The following LGR4 variants were observed in gnomAD, a reference collection of about 807,000 sequenced individuals.
LGR4 encodes leucine rich repeat containing G protein-coupled receptor 4, also known as leucine-rich repeat-containing G protein-coupled receptor 4.
In LGR4, 44 loss-of-function variants were observed where a neutral mutation model predicts 84.8. The observed-to-expected ratio is 0.52, with a 90% CI of 0.41 to 0.67. The LOEUF (loss-of-function observed/expected upper bound fraction) is 0.67. Among genes scored for constraint, LGR4 ranks in the 30% least tolerant of loss-of-function variants. LGR4 has a pLI of 0.00. For synonymous variants in LGR4, 429 were observed against 434.3 expected, an observed-to-expected ratio of 0.99 and a Z score of 0.15; for missense variants, 1,032 against 1,131.4, an observed-to-expected ratio of 0.91 and a Z score of 1.26.
At chr11:27,401,329 C>T (rs865787053) in intron 2 of LGR4, among the ~76,000 whole-genome samples, 5 of 152,076 alleles carry the variant, frequency 3.3e-5, no homozygotes, top group Middle Eastern at 3.2e-3. Context: ...CCACCTGCAC[C>T]GAATTGGCCT....
chr11:27,414,807 T>C (rs1749612782), intron 1 of LGR4, among the ~76,000 whole-genome samples: 2 of 152,080 alleles, frequency 1.3e-5, no homozygotes, highest in Admixed American at 1.3e-4. Flanking sequence ...CATTGTACGA[T>C]AGTGGGCCTC....
Position 27,384,412 on chromosome 11 carries a change from G to T in LGR4, c.618-5C>A. The T allele has an allele frequency of 6.2e-7, 1 of 1,600,212 alleles. No homozygotes were observed. Among genetic ancestry groups the T allele is most frequent in the Non-Finnish European group, 8.5e-7 (1 of 1,169,746 alleles). ...ATTTTATTGTTATGAAGATGCCTAA[G>T]GGGGAAAAAAAGCATAAAATGACTT... On this transcript the variant is annotated splice_polypyrimidine_tract_variant and splice_region_variant and intron_variant, in intron 5 of 17. Transcript: ENST00000379214.
At position 27,397,281 on chromosome 11, in the gene LGR4, T is replaced by A. The variant is rs1863409904; in HGVS notation, c.258-4763A>T. ...CTACCACCGGTATGAACTCATGATA[T>A]CACCTTCCTTTGATTCCACGGGTAC... On this transcript the variant is annotated intron_variant, in intron 2 of 17. Transcript: ENST00000379214. Among the ~76,000 whole-genome samples the A allele has an allele frequency of 1.3e-5, 2 of 152,172 alleles. 1 individual carries two copies. Among genetic ancestry groups the A allele is most frequent in the South Asian group, 4.1e-4 (2 of 4,828 alleles).
rs753079836 is a variant in LGR4 at position 27,368,595 on chromosome 11, A to G, written c.2128T>C (p.Leu710=). The change falls in exon 18 of 18, where the codon TTA becomes CTA. Residue 710 remains leucine, a synonymous_variant. Coordinates refer to ENST00000379214, the MANE Select transcript of LGR4 (RefSeq NM_018490.5). The stretch of plus-strand genomic sequence containing the variant: ...AATGCTAGTGAGTTTAATAGCACTA[A>G]CGTTACAGTGAATCCTAATGATGGC... The part of the protein sequence containing the change: ...ETPSLGFTVT[L]VLLNSLAFLL... 5.0e-6 allele frequency: 8 copies of G among 1,613,800 alleles called. No individual in the cohort carries two copies. Among genetic ancestry groups the G allele is most frequent in the Non-Finnish European group, 6.8e-6 (8 of 1,179,870 alleles).
intron 1 of LGR4, among the ~76,000 whole-genome samples, chr11:27,441,658 GA>G (rs1485713728): frequency 9.9e-5 from 15 of 152,164 alleles, no homozygotes; most frequent in African/African-American, 3.6e-4. Context: ...AAGAGAGAGA[GA>G]GGGGCTGTAG....
intron 1 of LGR4, among the ~76,000 whole-genome samples, chr11:27,446,793 C>G (rs1864397722): frequency 6.6e-6 from 1 of 152,198 alleles, no homozygotes; most frequent in African/African-American, 2.4e-5. Flanking sequence ...CCCAAATGTC[C>G]ATCAATGATA....
intron 1 of LGR4, among the ~76,000 whole-genome samples, chr11:27,468,535 A>C (rs1187416997): frequency 6.6e-6 from 1 of 152,076 alleles, no homozygotes; most frequent in Non-Finnish European, 1.5e-5. Context: ...ATATTCTGCT[A>C]CTCCTGGGAT....
At chr11:27,406,895 A>C (rs1159457650) in intron 2 of LGR4, among the ~76,000 whole-genome samples, 4 of 152,176 alleles carry the variant, frequency 2.6e-5, no homozygotes, top group Non-Finnish European at 5.9e-5. Flanking sequence ...AGTAAACGTT[A>C]AGTGAGTCAA....
In LGR4 at chr11:27,367,985, T is replaced by A. The variant is rs1862800178; in HGVS notation, c.2738A>T (p.Asp913Val). ...GTCAGAACTGTCTGAGACAAAGGAATCTTCTTCATCTGCATAATCAGAGTG... is the reference window on the plus strand; with the variant it reads ...GTCAGAACTGTCTGAGACAAAGGAAACTTCTTCATCTGCATAATCAGAGTG... ...SAHSDYADEE[D>V]SFVSDSSDQV... The change falls in exon 18 of 18, where the codon GAT (aspartate) becomes GTT (valine). Residue 913 changes from aspartate (D) to valine (V), a missense_variant. Coordinates refer to ENST00000379214, the MANE Select transcript of LGR4 (RefSeq NM_018490.5). 6.2e-7 allele frequency: 1 copy of A among 1,614,116 alleles called. No homozygotes were observed. The highest frequency in any genetic ancestry group is 8.5e-7 in the Non-Finnish European group (1 of 1,179,960).
chr11:27,377,486 T>C (rs1295611126), intron 11 of LGR4, among the ~76,000 whole-genome samples: 2 of 151,444 alleles, frequency 1.3e-5, no homozygotes, highest in Non-Finnish European at 2.9e-5. Flanking sequence ...ATAAAGTATA[T>C]ATATAAAGTA....
intron 2 of LGR4, among the ~76,000 whole-genome samples, chr11:27,404,340 C>G (rs1863561875): frequency 6.6e-6 from 1 of 152,134 alleles, no homozygotes; most frequent in South Asian, 2.1e-4. Flanking sequence ...CTTTCATCAC[C>G]TTCGTTCCTG....
intron 1 of LGR4, among the ~76,000 whole-genome samples, chr11:27,450,518 G>A (rs1864464279): frequency 6.6e-6 from 1 of 152,068 alleles, no homozygotes; most frequent in Non-Finnish European, 1.5e-5. Flanking sequence ...GCCAGGCACG[G>A]TGGCTCACGT....
intron 1 of LGR4, among the ~76,000 whole-genome samples, chr11:27,466,759 A>G (rs1464310915): frequency 6.6e-6 from 1 of 152,152 alleles, no homozygotes; most frequent in Admixed American, 6.5e-5. Flanking sequence ...AGGAACCCTA[A>G]GTGAGAGAAT....
chr11:27,400,260 G>A (rs1259239223), intron 2 of LGR4, among the ~76,000 whole-genome samples: 2 of 151,940 alleles, frequency 1.3e-5, no homozygotes, highest in Admixed American at 1.3e-4. Context: ...TTCAAATAAG[G>A]GGTACTCAAC....
At chr11:27,458,070 C>CA in intron 1 of LGR4, among the ~76,000 whole-genome samples, 1 of 152,208 alleles carries the variant, frequency 6.6e-6, no homozygotes, top group South Asian at 2.1e-4. Flanking sequence ...TTAGAGGCTG[C>CA]AGTGAACTGT....
At chr11:27,392,652 G>T in intron 2 of LGR4, 134 bp from the exon 3 acceptor site, 2 of 702,946 alleles carry the variant, frequency 2.8e-6, no homozygotes, top group Non-Finnish European at 2.3e-6. Context: ...ATTAAACGTG[G>T]ACTTAAACCC....
At chr11:27,370,201 A>G (rs1230026689) in intron 17 of LGR4, among the ~76,000 whole-genome samples, 1 of 152,246 alleles carries the variant, frequency 6.6e-6, no homozygotes, top group African/African-American at 2.4e-5. Flanking sequence ...TTAAATTGTT[A>G]AGATATTCAC....
intron 1 of LGR4, among the ~76,000 whole-genome samples, chr11:27,454,211 GTCCC>G (rs1261181695): frequency 2.0e-5 from 3 of 152,082 alleles, no homozygotes; most frequent in Non-Finnish European, 4.4e-5. Flanking sequence ...GCTTCAACTT[GTCCC>G]TCCTTTCCAG....
rs776108116 is a variant in LGR4, at chr11:27,392,428, C to G, written c.329+19G>C. ...AAAATACACAGCCAGCTGTGAAACT[C>G]TAAAATTGCATTACTTACAGAACTT... On this transcript the variant is annotated intron_variant, in intron 3 of 17. Transcript: ENST00000379214. The G allele has an allele frequency of 2.5e-5, 39 of 1,558,792 alleles. 1 individual carries two copies. In the Middle Eastern group the frequency reaches 2.7e-3, roughly 110 times the overall value.
Sources: allele counts gnomAD v4.1 joint callset (sites outside exome capture counted in the v4.1 genomes callset), GRCh38; gene constraint gnomAD v4.1.1; transcripts MANE v1.5; gene names NCBI Gene and HGNC (gene_info 2026-07-23, HGNC 2026-07-21).